The following AVEN variants were observed in gnomAD, a reference collection of about 807,000 sequenced individuals.
AVEN encodes cell death regulator Aven.
In AVEN, 41 loss-of-function variants were observed where a neutral mutation model predicts 38.1. That is an observed-to-expected ratio of 1.08 (90% confidence interval 0.84 to 1.40). The LOEUF (loss-of-function observed/expected upper bound fraction) is 1.40, where lower values mean the gene tolerates loss of function less well. Ranked by LOEUF, AVEN falls within the 40% of genes most tolerant of loss-of-function variation. The pLI, the probability that AVEN is intolerant of heterozygous loss-of-function variation, is 0.00. For synonymous variants in AVEN, 206 were observed against 171.8 expected, an observed-to-expected ratio of 1.20 and a Z score of -1.56; for missense variants, 605 against 438.8, an observed-to-expected ratio of 1.38 and a Z score of -3.38.
At chr15:33,977,983 GAAAGGAAGA>G (rs1448322775) in intron 2 of AVEN, among the ~76,000 whole-genome samples, 1 of 113,648 alleles carries the variant, frequency 8.8e-6, no homozygotes, top group Non-Finnish European at 1.7e-5. Flanking sequence ...AAAGGAAAAA[GAAAGGAAGA>G]AAAGGAAGAG....
At chr15:33,943,070 A>G (rs1264954002) in intron 2 of AVEN, among the ~76,000 whole-genome samples, 1 of 152,232 alleles carries the variant, frequency 6.6e-6, no homozygotes, top group Non-Finnish European at 1.5e-5. Flanking sequence ...AAGAAATCCA[A>G]AATAGAGCTA....
intron 2 of AVEN, among the ~76,000 whole-genome samples, chr15:33,947,742 G>T (rs943148102): frequency 5.3e-5 from 8 of 151,580 alleles, no homozygotes; most frequent in Non-Finnish European, 7.4e-5. Context: ...TCTGCTGTTG[G>T]CTGAATCTGT....
At chr15:34,038,581 A>G (rs1204848185) in intron 1 of AVEN, among the ~76,000 whole-genome samples, 199 bp downstream of exon 1, 1 of 148,892 alleles carries the variant, frequency 6.7e-6, no homozygotes, top group Non-Finnish European at 1.5e-5. Context: ...GGAGGCCACG[A>G]GGGCCAAGCG....
intron 2 of AVEN, among the ~76,000 whole-genome samples, chr15:33,927,098 C>CA (rs909426518): frequency 4.1e-4 from 63 of 151,828 alleles, no homozygotes; most frequent in African/African-American, 1.5e-3. Context: ...ACTAAAAATA[C>CA]AAAAAAATTA....
At chr15:33,928,910 G>T (rs1893733962) in intron 2 of AVEN, among the ~76,000 whole-genome samples, 2 of 152,108 alleles carry the variant, frequency 1.3e-5, no homozygotes, top group African/African-American at 4.8e-5. Flanking sequence ...CCCTGATATG[G>T]TATTAAATAA....
intron 2 of AVEN, among the ~76,000 whole-genome samples, chr15:33,887,947 C>T (rs1483512368): frequency 6.6e-6 from 1 of 152,160 alleles, no homozygotes; most frequent in Non-Finnish European, 1.5e-5. Context: ...AGCCCAACAA[C>T]ACCATCAGCA....
At chr15:33,919,105 T>C (rs1475419117) in intron 2 of AVEN, among the ~76,000 whole-genome samples, 1 of 151,910 alleles carries the variant, frequency 6.6e-6, no homozygotes, top group African/African-American at 2.4e-5. Context: ...GTATTTTTAG[T>C]AGACACAGGG....
the AVEN span, chr15:33,852,435 C>T: frequency 6.5e-6 from 1 of 154,094 alleles, no homozygotes; most frequent in Non-Finnish European, 1.4e-5. Flanking sequence ...GGTACAGAAC[C>T]ATCTCCAAAA....
intron 2 of AVEN, among the ~76,000 whole-genome samples, chr15:33,892,070 T>A (rs9796546): frequency 0.82 from 124,618 of 152,060 alleles, 55,145 homozygotes; most frequent in Non-Finnish European, 0.98. Context: ...CACTTTTTGA[T>A]GGGGTTGTTT....
chr15:33,877,001 TAATA>T (rs1350652265), intron 2 of AVEN, among the ~76,000 whole-genome samples: 1 of 151,902 alleles, frequency 6.6e-6, no homozygotes, highest in Non-Finnish European at 1.5e-5. Flanking sequence ...CAGAAAAGAG[TAATA>T]AATTAATATA....
At chr15:33,946,767 G>C (rs1894524378) in intron 2 of AVEN, among the ~76,000 whole-genome samples, 1 of 152,210 alleles carries the variant, frequency 6.6e-6, no homozygotes, top group South Asian at 2.1e-4. Flanking sequence ...TAATTAAAGA[G>C]GGTACAGCAA....
intron 1 of AVEN, among the ~76,000 whole-genome samples, chr15:34,014,378 AAAAAAACAAAAAC>A (rs1031650244): frequency 6.0e-5 from 7 of 116,234 alleles, no homozygotes; most frequent in African/African-American, 8.7e-5. Flanking sequence ...AAAAAAAAAA[AAAAAAACAAAAAC>A]AAAAACCACG....
chr15:34,056,452 C>G (rs757458181), intron 5 of AVEN, among the ~76,000 whole-genome samples: 2 of 152,180 alleles, frequency 1.3e-5, no homozygotes, highest in Non-Finnish European at 2.9e-5. Flanking sequence ...GCTAAGCTAC[C>G]TCTGTGTTAA....
intron 2 of AVEN, among the ~76,000 whole-genome samples, chr15:33,933,491 T>TCTCACACACACA (rs1381027093): frequency 5.9e-5 from 4 of 68,270 alleles, no homozygotes; most frequent in Non-Finnish European, 2.5e-5. Flanking sequence ...CCTCCAACAA[T>TCTCACACACACA]CACACACACA....
chr15:33,951,920 A>C (rs1894765099), intron 2 of AVEN, among the ~76,000 whole-genome samples: 1 of 152,190 alleles, frequency 6.6e-6, no homozygotes, highest in South Asian at 2.1e-4. Flanking sequence ...TCTCAACTCC[A>C]TCTGGAAAGC....
intron 1 of AVEN, among the ~76,000 whole-genome samples, chr15:34,008,457 A>T (rs1897467831): frequency 6.6e-6 from 1 of 150,888 alleles, no homozygotes; most frequent in Non-Finnish European, 1.5e-5. Context: ...ATAATGCCTG[A>T]AAACTTCCCA....
chr15:33,986,461 C>G (rs998953043), intron 2 of AVEN, among the ~76,000 whole-genome samples: 21 of 151,974 alleles, frequency 1.4e-4, no homozygotes, highest in African/African-American at 4.6e-4. Flanking sequence ...GACTCTACAA[C>G]TACAGAATTT....
intron 1 of AVEN, among the ~76,000 whole-genome samples, chr15:34,011,309 G>C (rs750806710): frequency 6.6e-6 from 1 of 152,042 alleles, no homozygotes; most frequent in Non-Finnish European, 1.5e-5. Flanking sequence ...AATAAAAAAG[G>C]ATACGGATAT....
At chr15:33,864,260 G>A (rs1345820943), downstream of AVEN, 40 of 1,226,334 alleles carry the variant, frequency 3.3e-5, no homozygotes, top group Non-Finnish European at 4.4e-5. Flanking sequence ...GTAGGGCATA[G>A]GTTATCTGAA....
Sources: allele counts gnomAD v4.1 joint callset (sites outside exome capture counted in the v4.1 genomes callset), GRCh38; gene constraint gnomAD v4.1.1; transcripts MANE v1.5; gene names NCBI Gene and HGNC (gene_info 2026-07-23, HGNC 2026-07-21).